EIF3J: variants seen among roughly 807,000 people sequenced by gnomAD.
The protein encoded by EIF3J is eukaryotic translation initiation factor 3 subunit J, also known as eukaryotic translation initiation factor 3, subunit 1 (alpha, 35kD).
In EIF3J, 15 loss-of-function variants were observed where a neutral mutation model predicts 39.0. The observed-to-expected ratio is 0.38, with a 90% CI of 0.26 to 0.59. The LOEUF (loss-of-function observed/expected upper bound fraction) is 0.59, where lower values mean the gene tolerates loss of function less well. Ranked by LOEUF, EIF3J falls within the 20% of genes least tolerant of loss-of-function variation. EIF3J has a pLI of 0.60. For synonymous variants in EIF3J, 98 were observed against 112.9 expected, an observed-to-expected ratio of 0.87 and a Z score of 0.84; for missense variants, 226 against 308.6, an observed-to-expected ratio of 0.73 and a Z score of 2.00.
rs1263414648 is a variant in EIF3J at position 44,562,123 on chromosome 15, A to C, written c.*974A>C. The stretch of plus-strand genomic sequence containing the variant: ...TACCTCCCAAGAGATACTTTTTGAG[A>C]GTATAGAACACAGCTCTTGGGAGTA... On this transcript the variant is annotated 3_prime_UTR_variant, in exon 8 of 8. Coordinates refer to ENST00000261868, the MANE Select transcript of EIF3J (RefSeq NM_003758.4). 3.3e-5 allele frequency: 5 copies of C among 152,652 alleles called. No individual in the cohort carries two copies. The highest frequency in any genetic ancestry group is 2.6e-4 in the Admixed American group (4 of 15,284). The allele number at this position is 152,652 out of a possible 1,614,324, so 9.5% of individuals were successfully genotyped here.
At chr15:44,539,216 G>A (rs991235239) in intron 2 of EIF3J, among the ~76,000 whole-genome samples, 13 of 151,280 alleles carry the variant, frequency 8.6e-5, no homozygotes, top group African/African-American at 2.7e-4. Flanking sequence ...AGTAGAGACG[G>A]GGTTTCGCCA....
At chr15:44,552,952 G>A (rs2082112686) in intron 4 of EIF3J, among the ~76,000 whole-genome samples, 1 of 152,140 alleles carries the variant, frequency 6.6e-6, no homozygotes. Flanking sequence ...TTGGGAGGCT[G>A]AGGTGGGAGT....
At chr15:44,555,706 A>G (rs2082138740) in intron 5 of EIF3J, among the ~76,000 whole-genome samples, 1 of 152,216 alleles carries the variant, frequency 6.6e-6, no homozygotes, top group Non-Finnish European at 1.5e-5. Context: ...GTTATAGACT[A>G]AAAGGTAAAA....
chr15:44,561,012 C>T lies in EIF3J; in HGVS notation c.646-6C>T, dbSNP rs1567121279. On this transcript the variant is annotated splice_polypyrimidine_tract_variant and splice_region_variant and intron_variant, in intron 7 of 7. Transcript: ENST00000261868. ...GGTTCATGAATTAACTCTCTTTCAT[C>T]TTTAGCAAAGCAAAGCCAAAAAGAA... The T allele has an allele frequency of 1.2e-6, 2 of 1,612,752 alleles. No individual in the cohort carries two copies. The highest frequency in any genetic ancestry group is 4.5e-5 in the East Asian group (2 of 44,862).
At chr15:44,541,220 T>C (rs762339168) in intron 2 of EIF3J, among the ~76,000 whole-genome samples, 9 of 152,218 alleles carry the variant, frequency 5.9e-5, no homozygotes, top group Non-Finnish European at 8.8e-5. Flanking sequence ...TGGTATGATA[T>C]GTAGGATGTG....
chr15:44,550,843 G>A (rs1374172669), intron 2 of EIF3J, 33 bp from the exon 3 acceptor site: 2 of 1,454,354 alleles, frequency 1.4e-6, no homozygotes, highest in East Asian at 4.6e-5. Flanking sequence ...AAGCAAACAT[G>A]CAAGAATTAT....
At chr15:44,550,137 A>G (rs1246356696) in intron 2 of EIF3J, among the ~76,000 whole-genome samples, 3 of 152,204 alleles carry the variant, frequency 2.0e-5, no homozygotes, top group Non-Finnish European at 4.4e-5. Context: ...TGAGGGCCTA[A>G]GGATTGGTAG....
intron 2 of EIF3J, among the ~76,000 whole-genome samples, chr15:44,539,349 C>T (rs2081988683): frequency 6.6e-6 from 1 of 151,574 alleles, no homozygotes; most frequent in Non-Finnish European, 1.5e-5. Flanking sequence ...ATTCTGATCA[C>T]TTGGAACAAG....
chr15:44,559,801 C>G (rs1036796273), intron 6 of EIF3J, among the ~76,000 whole-genome samples: 3 of 151,976 alleles, frequency 2.0e-5, no homozygotes, highest in Non-Finnish European at 4.4e-5. Context: ...GCATGTTATC[C>G]TCCCCCATTT....
intron 2 of EIF3J, among the ~76,000 whole-genome samples, chr15:44,539,694 C>G (rs550047855): frequency 6.6e-6 from 1 of 152,034 alleles, no homozygotes; most frequent in African/African-American, 2.4e-5. Flanking sequence ...GCCACCACAC[C>G]CGGCCCCAGT....
rs1419038059 is a variant in EIF3J at position 44,556,635 on chromosome 15, T to A, written c.410-854T>A. ...GATTCTCGTGCCTCAGCCTCCCAAG[T>A]AGCTGGGATTACAGATACATGCCAC... On this transcript the variant is annotated intron_variant, in intron 5 of 7. Coordinates refer to ENST00000261868, the MANE Select transcript of EIF3J (RefSeq NM_003758.4). Among the ~76,000 whole-genome samples the A allele has an allele frequency of 3.3e-5, 5 of 151,992 alleles. No homozygotes were observed. In the East Asian group the frequency reaches 9.7e-4, roughly 29 times the overall value.
intron 2 of EIF3J, among the ~76,000 whole-genome samples, chr15:44,545,290 T>A (rs1227246236): frequency 6.6e-6 from 1 of 152,220 alleles, no homozygotes; most frequent in Admixed American, 6.5e-5. Flanking sequence ...TTTACCAGAC[T>A]GTGAATTTTG....
At chr15:44,547,439 T>G (rs2082063177) in intron 2 of EIF3J, among the ~76,000 whole-genome samples, 1 of 144,212 alleles carries the variant, frequency 6.9e-6, no homozygotes, top group South Asian at 2.2e-4. Flanking sequence ...CGGCCTTGAT[T>G]CTTTTTTTTT....
At chr15:44,548,479 A>G (rs2082072106) in intron 2 of EIF3J, among the ~76,000 whole-genome samples, 1 of 152,214 alleles carries the variant, frequency 6.6e-6, no homozygotes, top group Non-Finnish European at 1.5e-5. Context: ...GACTAGTGGG[A>G]TAGGATCAAA....
At chr15:44,560,410 T>G in intron 7 of EIF3J, 88 bp downstream of exon 7, 1 of 1,273,024 alleles carries the variant, frequency 7.9e-7, no homozygotes, top group South Asian at 1.3e-5. Flanking sequence ...GAGCCTGTCC[T>G]AATTAAAAGT....
At chr15:44,544,118 G>A (rs1044153642) in intron 2 of EIF3J, among the ~76,000 whole-genome samples, 3 of 128,076 alleles carry the variant, frequency 2.3e-5, no homozygotes, top group Non-Finnish European at 4.8e-5. Context: ...TTTTTAGACG[G>A]AGGCCTTCTC....
intron 3 of EIF3J, 37 bp from the exon 4 acceptor site, chr15:44,551,394 C>T: frequency 7.6e-7 from 1 of 1,312,570 alleles, no homozygotes; most frequent in Non-Finnish European, 1.1e-6. Context: ...CTGGAAAATA[C>T]TCAGTATAAC....
intron 2 of EIF3J, 37 bp downstream of exon 2, chr15:44,537,464 G>C (rs762226331): frequency 6.8e-6 from 10 of 1,470,758 alleles, no homozygotes; most frequent in Non-Finnish European, 8.1e-6. Flanking sequence ...GCGCGGAAGC[G>C]GGCTGGCGCT....
intron 2 of EIF3J, among the ~76,000 whole-genome samples, chr15:44,547,780 A>G (rs767154347): frequency 4.2e-4 from 64 of 152,116 alleles, no homozygotes; most frequent in Non-Finnish European, 7.6e-4. Flanking sequence ...TTAGAATTAT[A>G]TAGACTTAAT....
Sources: gnomAD v4.1 joint callset for allele counts (sites outside exome capture counted in the v4.1 genomes callset) on GRCh38, gnomAD v4.1.1 for gene constraint, MANE v1.5 for transcripts, NCBI Gene and HGNC (gene_info 2026-07-23, HGNC 2026-07-21) for gene names.